The following ITGAE variants were observed in gnomAD, a reference collection of about 807,000 sequenced individuals.
The protein encoded by ITGAE is integrin subunit alpha E.
A neutral mutation model predicts 136.5 loss-of-function variants in ITGAE; 99 were observed. The ratio of observed to expected loss-of-function variants is 0.73; its 90% CI spans 0.62 to 0.86. ITGAE has a LOEUF of 0.86. Among genes scored for constraint, ITGAE ranks in the 40% least tolerant of loss-of-function variants. The pLI, the probability that ITGAE is intolerant of heterozygous loss-of-function variation, is 0.00. For synonymous variants in ITGAE, 613 were observed against 591.8 expected (o/e 1.04, Z -0.52); for missense variants, 1,447 against 1,515.3 (o/e 0.95, Z 0.75).
intron 26 of ITGAE, chr17:3,724,174 G>A (rs1237033295): frequency 1.9e-6 from 3 of 1,592,802 alleles, no homozygotes; most frequent in Non-Finnish European, 2.5e-6. Context: ...AGGCGGCGGC[G>A]GAGGCGTCCC....
intron 2 of ITGAE, among the ~76,000 whole-genome samples, chr17:3,769,201 G>A (rs949519841): frequency 1.3e-5 from 2 of 152,104 alleles, no homozygotes; most frequent in South Asian, 2.1e-4. Context: ...TCCTCTGCCC[G>A]GACTGTTTCC....
At chr17:3,718,722 G>A (rs888178365) in intron 29 of ITGAE, among the ~76,000 whole-genome samples, 3 of 152,214 alleles carry the variant, frequency 2.0e-5, no homozygotes, top group African/African-American at 7.2e-5. Context: ...AATTTAAAAT[G>A]TGCACATAAG....
intron 1 of ITGAE, among the ~76,000 whole-genome samples, chr17:3,785,688 C>A (rs11653322): frequency 6.6e-6 from 1 of 151,470 alleles, no homozygotes; most frequent in Non-Finnish European, 1.5e-5. Context: ...GATATGAACA[C>A]GTATCAATGA....
At position 3,760,246 on chromosome 17, in the gene ITGAE, C is replaced by A. The variant is rs1275241885; in HGVS notation, c.640G>T (p.Asp214Tyr). 1.1e-5 allele frequency: 17 copies of A among 1,613,668 alleles called. No homozygotes were observed. Among genetic ancestry groups the A allele is most frequent in the Non-Finnish European group, 1.4e-5 (17 of 1,179,906 alleles). ...TTGGCTCTCTGAAAGTCTGGGGGATCAATGCTTCCTGAGCCATCCAGGATG... is the reference window on the plus strand; with the variant it reads ...TTGGCTCTCTGAAAGTCTGGGGGATAAATGCTTCCTGAGCCATCCAGGATG... ...AIILDGSGSIDPPDFQRAKDF... is the reference protein window; with the variant it reads ...AIILDGSGSIYPPDFQRAKDF... Residue 214 changes from aspartate (D) to tyrosine (Y), a missense_variant, in exon 7 of 31, where the codon GAT becomes TAT. By Grantham distance (160) the Asp-to-Tyr change is radical. Transcript: ENST00000263087.
chr17:3,734,726 G>A lies in ITGAE; in HGVS notation c.2655+91C>T, dbSNP rs2051423130. ...TGGACCAGGAGGAGGCTGGAGGCAG[G>A]GGTGCCAGTGAGGGGGCCACCACAG... is the stretch of plus-strand genomic sequence containing the variant. On this transcript the variant is annotated intron_variant, in intron 21 of 30. Transcript: ENST00000263087. The A allele has an allele frequency of 2.7e-6, 4 of 1,495,338 alleles. No individual in the cohort carries two copies. In the African/African-American group the frequency reaches 4.1e-5, roughly 15 times the overall value. 92.6% of individuals were successfully genotyped at this position (1,495,338 alleles called of 1,614,324 possible).
At chr17:3,792,604 A>G (rs1309003023) in intron 1 of ITGAE, among the ~76,000 whole-genome samples, 1 of 152,256 alleles carries the variant, frequency 6.6e-6, no homozygotes, top group African/African-American at 2.4e-5. Flanking sequence ...GAAGGAGGCC[A>G]ACAGCTAACA....
At chr17:3,792,929 C>A (rs563311246) in intron 1 of ITGAE, among the ~76,000 whole-genome samples, 1 of 152,304 alleles carries the variant, frequency 6.6e-6, no homozygotes, top group East Asian at 1.9e-4. Context: ...AACCCTGCAC[C>A]CCAGCTTTTG....
In ITGAE at chr17:3,753,867, T is replaced by C; in HGVS notation, c.1443A>G (p.Pro481=). Residue 481 remains proline (P), a synonymous_variant, in exon 13 of 31, where the codon CCA becomes CCG. Transcript: ENST00000263087. ...TCSLSYIAGA[P]RYKHHGAVFE... is the part of the protein sequence containing the mutation. The stretch of plus-strand genomic sequence containing the variant: ...ACACGGCCCCATGATGTTTGTACCG[T>C]GGAGCCCCCGCGATGTAGGAGAGGC... The C allele has an allele frequency of 1.2e-6, 2 of 1,614,124 alleles. No individual in the cohort carries two copies. Among genetic ancestry groups the C allele is most frequent in the South Asian group, 2.2e-5 (2 of 91,088 alleles).
At chr17:3,779,060 A>G (rs1292258133) in intron 1 of ITGAE, among the ~76,000 whole-genome samples, 5 of 152,146 alleles carry the variant, frequency 3.3e-5, no homozygotes, top group Non-Finnish European at 7.4e-5. Context: ...ATAGTAAAAA[A>G]AAAAAAATGC....
In ITGAE at chr17:3,752,752, G is replaced by GA. The variant is rs753597493; in HGVS notation, c.1668+537dup. On this transcript the variant is annotated intron_variant, in intron 14 of 30. Coordinates refer to ENST00000263087, the MANE Select transcript of ITGAE (RefSeq NM_002208.5). ...GACAACAGAGTGAGACTCAGTCTCG[G>GA]AAAAAAAAAAAAAAATGCTGGGCGA... 6.3e-3 allele frequency among the ~76,000 whole-genome samples: 827 copies of GA among 130,820 alleles called. 5 individuals carry two copies. Among genetic ancestry groups the GA allele is most frequent in the African/African-American group, 0.013 (455 of 35,610 alleles). The allele number at this position is 130,820 out of a possible 152,430, so 85.8% of individuals were successfully genotyped here.
At position 3,723,200 on chromosome 17, in the gene ITGAE, T is replaced by C. The variant is rs113282988; in HGVS notation, c.3237+88A>G. 3,523 of 919,568 alleles carry C rather than the reference T, an allele frequency of 3.8e-3. 15 individuals are homozygous for C. The highest frequency in any genetic ancestry group is 5.0e-3 in the Non-Finnish European group (2,751 of 553,682). The allele number at this position is 919,568 out of a possible 1,614,324, so 57.0% of individuals were successfully genotyped here. ...AAAAGATCTATTTTGGACATGGACA[T>C]GTTATGCAAAGATGCTATTATCTCT... On this transcript the variant is annotated intron_variant, in intron 28 of 30. Coordinates refer to ENST00000263087, the MANE Select transcript of ITGAE (RefSeq NM_002208.5).
chr17:3,796,624 TAC>T lies in ITGAE; in HGVS notation c.34+4485_34+4486del, dbSNP rs1416486603. Among the ~76,000 whole-genome samples the T allele has an allele frequency of 8.6e-5, 13 of 152,012 alleles. No individual in the cohort carries two copies. In the South Asian group the frequency reaches 2.5e-3, roughly 29 times the overall value. Reference sequence around the variant, plus strand: ...ATCCCCCCTCCCGTGTTGTCTGACTTACAGACATAGCTACACCAGTGTCTGTC... The same window carrying T: ...ATCCCCCCTCCCGTGTTGTCTGACTTAGACATAGCTACACCAGTGTCTGTC... On this transcript the variant is annotated intron_variant, in intron 1 of 30. Coordinates refer to ENST00000263087, the MANE Select transcript of ITGAE (RefSeq NM_002208.5).
rs111640340 is a variant in ITGAE at position 3,751,152 on chromosome 17, G to A, written c.1893+498C>T. 3.2e-4 allele frequency among the ~76,000 whole-genome samples: 48 copies of A among 152,148 alleles called. No homozygotes were observed. In the East Asian group the frequency reaches 6.8e-3, roughly 21 times the overall value. On this transcript the variant is annotated intron_variant, in intron 15 of 30. Transcript: ENST00000263087. ...GGAAGCAGGTGCTCTCAGATGGGCC[G>A]TGTGGGAGTGAGATGCCTGGGGGCC...
At position 3,792,436 on chromosome 17, in the gene ITGAE, C is replaced by G. The variant is rs577529734; in HGVS notation, c.34+8675G>C. 5.3e-4 allele frequency among the ~76,000 whole-genome samples: 80 copies of G among 152,282 alleles called. 1 individual carries two copies. The highest frequency in any genetic ancestry group is 1.9e-3 in the African/African-American group (78 of 41,562). On this transcript the variant is annotated intron_variant, in intron 1 of 30. Transcript: ENST00000263087. ...CCGGCCTGATATCTATATTTTATTC[C>G]TTTTTCTTCACATCTCTGCCTCGCC...
intron 21 of ITGAE, among the ~76,000 whole-genome samples, chr17:3,734,263 C>T (rs906749778): frequency 6.6e-6 from 1 of 152,038 alleles, no homozygotes; most frequent in East Asian, 1.9e-4. Flanking sequence ...TTAGTAGAGA[C>T]GGGGTTTCAC....
intron 20 of ITGAE, 113 bp downstream of exon 20, chr17:3,739,692 T>C: frequency 1.1e-6 from 1 of 870,808 alleles, no homozygotes; most frequent in Non-Finnish European, 2.0e-6. Context: ...AAGCCATTTG[T>C]GGGCCACGGG....
intron 9 of ITGAE, 71 bp from the exon 10 acceptor site, chr17:3,757,205 C>CCT: frequency 6.5e-7 from 1 of 1,543,534 alleles, no homozygotes; most frequent in East Asian, 2.3e-5. Flanking sequence ...GAGCTGAGCC[C>CCT]CTCCATCTGG....
rs1449173281 is a variant in ITGAE, at chr17:3,729,538, G to C, written c.2852C>G (p.Ser951Cys). ...VTVTNSNERR[S>C]LANETHTLQF... is the part of the protein sequence containing the mutation. ...AAGGGTGTGGGTCTCGTTGGCCAAA[G>C]ACCGTCTTTCATTGGAACTAGGAAT... The change falls in exon 24 of 31, where the codon TCT becomes TGT. Residue 951 changes from serine to cysteine, a missense_variant. Ser to Cys is a moderately radical substitution (Grantham distance 112). This residue lies in a region of ITGAE where 1,031 missense variants were observed against 1,011.4 expected (regional missense o/e 1.02). Coordinates refer to ENST00000263087, the MANE Select transcript of ITGAE (RefSeq NM_002208.5). 2 of 1,605,370 alleles carry C rather than the reference G, an allele frequency of 1.2e-6. No individual in the cohort carries two copies. The highest frequency in any genetic ancestry group is 3.3e-5 in the Admixed American group (2 of 59,928).
In ITGAE at chr17:3,748,039, C is replaced by A. The variant is rs1254227705; in HGVS notation, c.2038G>T (p.Val680Phe). The change falls in exon 17 of 31, where the codon GTT becomes TTT. Residue 680 changes from valine to phenylalanine, a missense_variant. By Grantham distance (50) the Val-to-Phe change is conservative. Coordinates refer to ENST00000263087, the MANE Select transcript of ITGAE (RefSeq NM_002208.5). Reference protein sequence around the residue: ...QAVVFRSRPVVRLKVSMAFTP... With the variant: ...QAVVFRSRPVFRLKVSMAFTP... ...AAGGCCATGGAGACCTTCAGGCGAA[C>A]CACAGGCCGGGAGCTAAACAAGACA... 54 of 1,611,924 alleles carry A rather than the reference C, an allele frequency of 3.4e-5. No homozygotes were observed. Among genetic ancestry groups the A allele is most frequent in the Non-Finnish European group, 4.4e-5 (52 of 1,178,810 alleles).
Sources: gnomAD v4.1 joint callset for allele counts (sites outside exome capture counted in the v4.1 genomes callset) on GRCh38, gnomAD v4.1.1 for gene constraint, gnomAD v4.1.1 regional missense constraint, MANE v1.5 for transcripts, NCBI Gene and HGNC (gene_info 2026-07-23, HGNC 2026-07-21) for gene names.